Variants in NCOR1 observed in about 807,000 individuals in gnomAD.
NCOR1 encodes nuclear receptor corepressor 1.
A neutral mutation model predicts 288.1 loss-of-function variants in NCOR1; 63 were observed. The observed-to-expected ratio is 0.22, with a 90% CI of 0.18 to 0.27. The LOEUF (loss-of-function observed/expected upper bound fraction) is 0.27, where lower values mean the gene tolerates loss of function less well. NCOR1 is among the 10% of genes least tolerant of loss of function. The pLI, the probability that NCOR1 is intolerant of heterozygous loss-of-function variation, is 1.00. For synonymous variants in NCOR1, 1,007 were observed against 1,065.9 expected, an observed-to-expected ratio of 0.94 and a Z score of 1.08; for missense variants, 2,397 against 3,019.2, an observed-to-expected ratio of 0.79 and a Z score of 4.83.
At chr17:16,153,028 G>A (rs1223450408) in intron 7 of NCOR1, among the ~76,000 whole-genome samples, 2 of 152,052 alleles carry the variant, frequency 1.3e-5, no homozygotes, top group East Asian at 1.9e-4. Flanking sequence ...ATACTAGGGA[G>A]TATTAACCAT....
At chr17:16,105,523 C>A (rs567610607) in intron 19 of NCOR1, among the ~76,000 whole-genome samples, 1 of 152,220 alleles carries the variant, frequency 6.6e-6, no homozygotes, top group African/African-American at 2.4e-5. Context: ...AGACAAGGAT[C>A]CAATTCTAAA....
intron 18 of NCOR1, among the ~76,000 whole-genome samples, chr17:16,111,047 A>G (rs934958166): frequency 5.9e-5 from 9 of 152,206 alleles, no homozygotes; most frequent in Non-Finnish European, 1.2e-4. Context: ...CAAGCAATCC[A>G]GGTGTGACCT....
At chr17:16,033,132 G>A (rs1405957276) in intron 45 of NCOR1, among the ~76,000 whole-genome samples, 3 of 152,086 alleles carry the variant, frequency 2.0e-5, no homozygotes, top group Admixed American at 6.5e-5. Flanking sequence ...GATCACCTGA[G>A]GTCGGGAGTT....
chr17:16,082,244 T>C (rs1288043605), intron 23 of NCOR1, among the ~76,000 whole-genome samples: 3 of 152,050 alleles, frequency 2.0e-5, no homozygotes, highest in East Asian at 1.9e-4. Context: ...TGCTACATTA[T>C]ACAAAATGTC....
At chr17:16,102,786 G>T (rs1458541552) in intron 19 of NCOR1, among the ~76,000 whole-genome samples, 1 of 152,092 alleles carries the variant, frequency 6.6e-6, no homozygotes, top group Non-Finnish European at 1.5e-5. Flanking sequence ...TAGAGATGGG[G>T]TTTCACCATG....
At chr17:16,155,753 G>A (rs1037572364) in intron 6 of NCOR1, among the ~76,000 whole-genome samples, 2 of 152,142 alleles carry the variant, frequency 1.3e-5, no homozygotes, top group Non-Finnish European at 2.9e-5. Flanking sequence ...AGAGGGAGGT[G>A]TACTTCTGTA....
Position 16,121,146 on chromosome 17 carries a change from G to A in NCOR1, c.1758C>T (p.Thr586=). 6.2e-7 allele frequency: 1 copy of A among 1,614,150 alleles called. No homozygotes were observed. The highest frequency in any genetic ancestry group is 8.5e-7 in the Non-Finnish European group (1 of 1,180,034). ...CTGCAGCTTCGTTTGTCATGGACCT[G>A]GTGATCCGGCCCTTACGGCGGCCCT... is the stretch of plus-strand genomic sequence containing the variant. ...NSQGRRKGRI[T]RSMTNEAAAA... The change falls in exon 16 of 46, where the codon ACC becomes ACT. Residue 586 remains threonine (T), a synonymous_variant. Coordinates refer to ENST00000268712, the MANE Select transcript of NCOR1 (RefSeq NM_006311.4).
intron 8 of NCOR1, chr17:16,151,520 A>G: frequency 9.0e-7 from 1 of 1,105,806 alleles, no homozygotes. Context: ...TCTACTTTGC[A>G]ATGGCAGATG....
intron 45 of NCOR1, among the ~76,000 whole-genome samples, chr17:16,034,541 G>T (rs1052904380): frequency 6.6e-6 from 1 of 152,110 alleles, no homozygotes; most frequent in Admixed American, 6.5e-5. Flanking sequence ...CTCAGAGGTC[G>T]AGGCTGCAGT....
In NCOR1 at chr17:16,174,166, T is replaced by C. The variant is rs147883086; in HGVS notation, c.243-2171A>G. 6.4e-3 allele frequency among the ~76,000 whole-genome samples: 972 copies of C among 152,338 alleles called. 13 individuals are homozygous for C. The highest frequency in any genetic ancestry group is 0.022 in the African/African-American group (923 of 41,574). ...TCAATGTAATCTCTATCAAATGCCATTGGCTTTTTTGCAGAAATAGAAAAA... is the reference window on the plus strand; with the variant it reads ...TCAATGTAATCTCTATCAAATGCCACTGGCTTTTTTGCAGAAATAGAAAAA... On this transcript the variant is annotated intron_variant, in intron 3 of 45. Coordinates refer to ENST00000268712, the MANE Select transcript of NCOR1 (RefSeq NM_006311.4).
At chr17:16,055,394 G>A (rs964117768) in intron 40 of NCOR1, among the ~76,000 whole-genome samples, 4 of 152,174 alleles carry the variant, frequency 2.6e-5, no homozygotes, top group African/African-American at 9.7e-5. Flanking sequence ...TGGAGCTGGA[G>A]GCCATTATCC....
At chr17:16,067,431 G>C (rs531743295) in intron 32 of NCOR1, among the ~76,000 whole-genome samples, 27 of 152,278 alleles carry the variant, frequency 1.8e-4, no homozygotes, top group Non-Finnish European at 2.5e-4. Context: ...AGATTGCTTG[G>C]AAGTGTCTTT....
intron 1 of NCOR1, among the ~76,000 whole-genome samples, chr17:16,208,220 T>TTTTTTTTTTTTG: frequency 1.5e-5 from 2 of 136,198 alleles, no homozygotes; most frequent in African/African-American, 5.4e-5. Flanking sequence ...TTTTTTTTTT[T>TTTTTTTTTTTTG]TTTTTTTTTT....
chr17:16,183,251 GA>G lies in NCOR1; in HGVS notation c.242+3302del, dbSNP rs1021160883. On this transcript the variant is annotated intron_variant, in intron 3 of 45. Transcript: ENST00000268712. ...CAAACAAAAAAAAAAAAAAAGAAAA[GA>G]AAAAAAAGAAAAGAAATAAAAGGCA... is the stretch of plus-strand genomic sequence containing the variant. Among the ~76,000 whole-genome samples the G allele has an allele frequency of 2.1e-4, 25 of 120,700 alleles. 1 individual carries two copies. The highest frequency in any genetic ancestry group is 7.7e-4 in the South Asian group (3 of 3,874). The allele number at this position is 120,700 out of a possible 152,430, so 79.2% of individuals were successfully genotyped here. A position where few individuals can be genotyped will look rare whatever the true frequency, so the allele number is the denominator to read the frequency against.
chr17:16,031,803 C>T lies in NCOR1; in HGVS notation c.*493G>A, dbSNP rs558425966. 2 of 231,378 alleles carry T rather than the reference C, an allele frequency of 8.6e-6. No homozygotes were observed. The highest frequency in any genetic ancestry group is 1.8e-4 in the South Asian group (1 of 5,524). 14.3% of individuals were successfully genotyped at this position (231,378 alleles called of 1,614,324 possible). ...AAAGTACAATGCCCGTGACAGCCAA[C>T]ATTATGTAACTGGGCTGTATGAGGT... On this transcript the variant is annotated 3_prime_UTR_variant, in exon 46 of 46. Coordinates refer to ENST00000268712, the MANE Select transcript of NCOR1 (RefSeq NM_006311.4).
intron 2 of NCOR1, among the ~76,000 whole-genome samples, chr17:16,188,565 C>T (rs1337115681): frequency 6.6e-6 from 1 of 150,590 alleles, no homozygotes; most frequent in African/African-American, 2.4e-5. Context: ...GAGCTGAGAT[C>T]GTACCATTGC....
At chr17:16,112,168 CA>C (rs1349006362) in intron 18 of NCOR1, among the ~76,000 whole-genome samples, 1 of 152,172 alleles carries the variant, frequency 6.6e-6, no homozygotes, top group African/African-American at 2.4e-5. Context: ...CACACCCAGC[CA>C]ACATTTATAT....
rs200378214 is a variant in NCOR1, at chr17:16,080,691, C to T, written c.3214G>A (p.Ala1072Thr). ...PGTYLTSHNQ[A>T]SYTQETPKPS... ...TTGGGTGTTTCTTGAGTGTAGGAAG[C>T]CTGATTATGAGAAGTCAAATAAGTG... The change falls in exon 24 of 46, where the codon GCT (alanine) becomes ACT (threonine). Residue 1072 changes from alanine (A) to threonine (T), a missense_variant. Physicochemically the swap from Ala to Thr is moderately conservative, Grantham distance 58. Around this residue, in one of 11 missense-constraint regions of NCOR1, gnomAD observed 1,872 missense variants for 2,187.8 expected, o/e 0.86. Transcript: ENST00000268712. 12 of 1,613,476 alleles carry T rather than the reference C, an allele frequency of 7.4e-6. No homozygotes were observed. In the African/African-American group the frequency reaches 1.5e-4, roughly 20 times the overall value.
intron 18 of NCOR1, among the ~76,000 whole-genome samples, chr17:16,111,247 T>C (rs2070089713): frequency 6.6e-6 from 1 of 152,224 alleles, no homozygotes; most frequent in Non-Finnish European, 1.5e-5. Flanking sequence ...TTTTCTTCAA[T>C]ATATGATAGT....
Sources: allele counts gnomAD v4.1 joint callset (sites outside exome capture counted in the v4.1 genomes callset), GRCh38; gene constraint gnomAD v4.1.1; regional missense constraint gnomAD v4.1.1; transcripts MANE v1.5; gene names NCBI Gene and HGNC (gene_info 2026-07-23, HGNC 2026-07-21).